LRP1B: variants seen among roughly 807,000 people sequenced by gnomAD.
LRP1B encodes LDL receptor related protein 1B, also known as low-density lipoprotein receptor-related protein 1B.
Under a neutral mutation model 556.6 loss-of-function variants are expected in LRP1B, and 217 were observed. That is an observed-to-expected ratio of 0.39 (90% CI 0.35 to 0.44). The LOEUF (loss-of-function observed/expected upper bound fraction) is 0.44. LRP1B is among the 20% of genes least tolerant of loss of function. The pLI, the probability that LRP1B is intolerant of heterozygous loss-of-function variation, is 1.00. For missense variants in LRP1B, 5,053 were observed against 5,620.8 expected, an observed-to-expected ratio of 0.90 and a Z score of 3.23; for synonymous variants, 2,047 against 1,865.8, an observed-to-expected ratio of 1.10 and a Z score of -2.50.
At chr2:140,414,197 T>C (rs761816737) in intron 66 of LRP1B, among the ~76,000 whole-genome samples, 3 of 152,182 alleles carry the variant, frequency 2.0e-5, no homozygotes, top group African/African-American at 4.8e-5. Flanking sequence ...ATTACAGGCA[T>C]GCACCACCAC....
At chr2:141,345,541 G>C (rs753154438) in intron 3 of LRP1B, among the ~76,000 whole-genome samples, 60 of 151,984 alleles carry the variant, frequency 3.9e-4, no homozygotes, top group African/African-American at 4.3e-4. Context: ...CTAGGCTAGA[G>C]TAGAGCAGCA....
In LRP1B at chr2:140,397,655, A is replaced by G. The variant is rs187386375; in HGVS notation, c.10415-11646T>C. Among the ~76,000 whole-genome samples, 334 of 152,270 alleles carry G rather than the reference A, an allele frequency of 2.2e-3. 1 individual carries two copies. The highest frequency in any genetic ancestry group is 6.8e-3 in the Middle Eastern group (2 of 294). ...TTCTAGGTTATTAAAAATCCTGACAAGTGTCATTTCTATGGCTGTATAATA... is the reference window on the plus strand; with the variant it reads ...TTCTAGGTTATTAAAAATCCTGACAGGTGTCATTTCTATGGCTGTATAATA... On this transcript the variant is annotated intron_variant, in intron 66 of 90. Coordinates refer to ENST00000389484, the MANE Select transcript of LRP1B (RefSeq NM_018557.3).
At chr2:140,702,982 T>C (rs140838983) in intron 37 of LRP1B, among the ~76,000 whole-genome samples, 1 of 152,272 alleles carries the variant, frequency 6.6e-6, no homozygotes, top group African/African-American at 2.4e-5. Context: ...TTATTATAAA[T>C]ATTTTTTGCC....
intron 1 of LRP1B, among the ~76,000 whole-genome samples, chr2:141,938,288 GAA>G (rs986762130): frequency 6.6e-6 from 1 of 152,076 alleles, no homozygotes; most frequent in Non-Finnish European, 1.5e-5. Context: ...GAGATGATTA[GAA>G]AAGGATCTGA....
chr2:140,244,214 C>A (rs1217599381), intron 87 of LRP1B, among the ~76,000 whole-genome samples: 1 of 151,056 alleles, frequency 6.6e-6, no homozygotes, highest in East Asian at 2.0e-4. Flanking sequence ...TCTATATTTG[C>A]AGATTTATAA....
rs143621414 is a variant in LRP1B at position 141,399,484 on chromosome 2, G to A, written c.343+80912C>T. Reference sequence around the variant, plus strand: ...AGAGCATGTGCTTATGGTTCCCCCAGCGGCTACATCCCCAAACTGCAGATC... The same window carrying A: ...AGAGCATGTGCTTATGGTTCCCCCAACGGCTACATCCCCAAACTGCAGATC... On this transcript the variant is annotated intron_variant, in intron 3 of 90. Coordinates refer to ENST00000389484, the MANE Select transcript of LRP1B (RefSeq NM_018557.3). Among the ~76,000 whole-genome samples, 12 of 152,208 alleles carry A rather than the reference G, an allele frequency of 7.9e-5. No homozygotes were observed. In the East Asian group the frequency reaches 2.3e-3, roughly 29 times the overall value.
intron 59 of LRP1B, among the ~76,000 whole-genome samples, chr2:140,483,634 ATATATATTT>A (rs1429638602): frequency 1.3e-4 from 8 of 59,664 alleles, no homozygotes; most frequent in Non-Finnish European, 2.4e-4. Context: ...ATATATATAT[ATATATATTT>A]TTTTTTTTTT....
At chr2:142,086,541 G>A (rs1280137685) in intron 1 of LRP1B, among the ~76,000 whole-genome samples, 2 of 151,904 alleles carry the variant, frequency 1.3e-5, no homozygotes, top group African/African-American at 4.8e-5. Context: ...GGAGGCGGGA[G>A]GCAGAGGTCT....
intron 2 of LRP1B, among the ~76,000 whole-genome samples, chr2:141,524,186 C>G (rs764168115): frequency 6.6e-6 from 1 of 151,824 alleles, no homozygotes; most frequent in Non-Finnish European, 1.5e-5. Flanking sequence ...CTGAAACTAG[C>G]TCAAAGCCTG....
At chr2:141,921,117 T>G (rs1423503590) in intron 1 of LRP1B, among the ~76,000 whole-genome samples, 1 of 152,074 alleles carries the variant, frequency 6.6e-6, no homozygotes, top group Non-Finnish European at 1.5e-5. Flanking sequence ...TCCTTAAGGC[T>G]ACATAATCAG....
At chr2:140,288,807 A>C (rs1009976762) in intron 84 of LRP1B, among the ~76,000 whole-genome samples, 6 of 151,876 alleles carry the variant, frequency 4.0e-5, no homozygotes, top group Non-Finnish European at 7.4e-5. Flanking sequence ...GCTGTGAGAC[A>C]TATCATTTTT....
chr2:141,712,745 C>G (rs963836494), intron 2 of LRP1B, among the ~76,000 whole-genome samples: 1 of 151,890 alleles, frequency 6.6e-6, no homozygotes, highest in Non-Finnish European at 1.5e-5. Context: ...TCTTGGCTCA[C>G]TGCAACCTCC....
intron 55 of LRP1B, among the ~76,000 whole-genome samples, chr2:140,499,661 T>C (rs903819703): frequency 2.0e-5 from 3 of 151,894 alleles, no homozygotes; most frequent in East Asian, 1.9e-4. Flanking sequence ...CTGTAGGCAA[T>C]TGTAACACAA....
At chr2:140,471,113 G>A (rs76674290) in intron 60 of LRP1B, among the ~76,000 whole-genome samples, 8,544 of 152,184 alleles carry the variant, frequency 0.056, 297 homozygotes, top group African/African-American at 0.078. Context: ...TTGTATAACA[G>A]TGTATTTAAA....
intron 18 of LRP1B, among the ~76,000 whole-genome samples, chr2:140,956,480 T>A (rs1305885586): frequency 5.3e-5 from 8 of 151,804 alleles, no homozygotes; most frequent in African/African-American, 1.9e-4. Context: ...TTATGGTACA[T>A]AATTAAATAT....
intron 31 of LRP1B, among the ~76,000 whole-genome samples, chr2:140,821,206 G>C (rs1410267735): frequency 6.6e-6 from 1 of 151,936 alleles, no homozygotes; most frequent in Non-Finnish European, 1.5e-5. Context: ...TTAGGGTCTA[G>C]TACCTAGTGT....
intron 41 of LRP1B, among the ~76,000 whole-genome samples, chr2:140,677,289 GAA>G (rs1445382095): frequency 6.6e-6 from 1 of 152,208 alleles, no homozygotes; most frequent in Non-Finnish European, 1.5e-5. Context: ...TTTAAAGAGT[GAA>G]AAGAGTCAGT....
intron 31 of LRP1B, among the ~76,000 whole-genome samples, chr2:140,834,850 A>C (rs537584699): frequency 5.7e-4 from 87 of 152,344 alleles, no homozygotes; most frequent in African/African-American, 2.0e-3. Flanking sequence ...GTTCTCTTTC[A>C]GATGTCATTA....
intron 85 of LRP1B, among the ~76,000 whole-genome samples, chr2:140,273,000 G>T (rs1055058201): frequency 1.3e-5 from 2 of 151,900 alleles, no homozygotes; most frequent in East Asian, 1.9e-4. Flanking sequence ...ACTTTTGACT[G>T]TATAGCAAGC....
Sources: gnomAD v4.1 joint callset for allele counts (sites outside exome capture counted in the v4.1 genomes callset) on GRCh38, gnomAD v4.1.1 for gene constraint, MANE v1.5 for transcripts, NCBI Gene and HGNC (gene_info 2026-07-23, HGNC 2026-07-21) for gene names.